The following C12orf43 variants were observed in gnomAD, a reference collection of about 807,000 sequenced individuals.
C12orf43 encodes the protein protein CUSTOS.
A neutral mutation model predicts 20.6 loss-of-function variants in C12orf43; 15 were observed. The observed-to-expected ratio is 0.73, with a 90% CI of 0.49 to 1.12. The LOEUF (loss-of-function observed/expected upper bound fraction) is 1.12, where lower values mean the gene tolerates loss of function less well. Among genes scored for constraint, C12orf43 ranks in the 50% most tolerant of loss-of-function variants. C12orf43 has a pLI of 0.00. For missense variants in C12orf43, 334 were observed against 344.4 expected (o/e 0.97, Z 0.24); for synonymous variants, 144 against 130.8 (o/e 1.10, Z -0.69).
chr12:121,004,584 G>A lies in C12orf43; in HGVS notation c.453-95C>T. On this transcript the variant is annotated intron_variant, in intron 5 of 5. Transcript: ENST00000288757. This position sits in a 1 kb window ranked among gnomAD's most constrained non-coding sequence, Gnocchi z 5.6. ...CCTCCCTTGGTCCAGGTCACCAGAA[G>A]GTGGCCGCAGAGAGAGGCAGGTAGT... The A allele has an allele frequency of 1.5e-6, 2 of 1,300,624 alleles. No homozygotes were observed. The highest frequency in any genetic ancestry group is 2.1e-6 in the Non-Finnish European group (2 of 952,440). The allele number at this position is 1,300,624 out of a possible 1,614,324, so 80.6% of individuals were successfully genotyped here.
chr12:121,006,310 T>C lies in C12orf43; in HGVS notation c.361+11A>G, dbSNP rs771711308. On this transcript the variant is annotated intron_variant, in intron 4 of 5. Coordinates refer to ENST00000288757, the MANE Select transcript of C12orf43 (RefSeq NM_022895.3). ...AATAAATGATAGCTTCTATTAAGTA[T>C]AACCACTCACCATCATCCTCCAAAG... The C allele has an allele frequency of 1.2e-6, 2 of 1,609,756 alleles. No homozygotes were observed. Among genetic ancestry groups the C allele is most frequent in the Admixed American group, 3.3e-5 (2 of 59,984 alleles).
chr12:121,006,306 A>C lies in C12orf43; in HGVS notation c.361+15T>G, dbSNP rs1270187809. 2 of 1,607,300 alleles carry C rather than the reference A, an allele frequency of 1.2e-6. No homozygotes were observed. Among genetic ancestry groups the C allele is most frequent in the African/African-American group, 2.7e-5 (2 of 74,768 alleles). ...GCTTAATAAATGATAGCTTCTATTA[A>C]GTATAACCACTCACCATCATCCTCC... On this transcript the variant is annotated intron_variant, in intron 4 of 5. Transcript: ENST00000288757.
rs1877794150 is a variant in C12orf43, at chr12:121,004,321, G to A, written c.621C>T (p.Val207=). 2.5e-6 allele frequency: 4 copies of A among 1,614,074 alleles called. No individual in the cohort carries two copies. The South Asian group carries it at 3.3e-5, about 13-fold the overall frequency. ...CCATGCTGGTGGGGGTGGTGGCAGC[G>A]ACAGCCGAGTCGACACTGGCCACCT... ...AKKVASVDSA[V]AATTPTSMAT... Residue 207 remains valine, a synonymous_variant, in exon 6 of 6, where the codon GTC becomes GTT. Transcript: ENST00000288757. The surrounding 1 kb of genome is among the most constrained non-coding windows in gnomAD (Gnocchi z 5.6).
Position 121,005,448 on chromosome 12 carries a change from CAA to C in C12orf43, c.362-357_362-356del, listed in dbSNP as rs972781788. 1.3e-5 allele frequency among the ~76,000 whole-genome samples: 2 copies of C among 152,144 alleles called. No individual in the cohort carries two copies. Among genetic ancestry groups the C allele is most frequent in the African/African-American group, 4.8e-5 (2 of 41,452 alleles). On this transcript the variant is annotated intron_variant, in intron 4 of 5. Coordinates refer to ENST00000288757, the MANE Select transcript of C12orf43 (RefSeq NM_022895.3). This position sits in a 1 kb window ranked among gnomAD's most constrained non-coding sequence, Gnocchi z 5.6. ...GACCCAGGAATCAGTCGTCTAACTA[CAA>C]AGTGATTCTGCATCTGCCAAGGGTC... is the stretch of plus-strand genomic sequence containing the variant.
Position 121,011,276 on chromosome 12 carries a change from ATATAT to A in C12orf43, c.146-135_146-131del, listed in dbSNP as rs563251946. 606 of 500,490 alleles carry A rather than the reference ATATAT, an allele frequency of 1.2e-3. 5 individuals are homozygous for A. The highest frequency in any genetic ancestry group is 0.01 in the African/African-American group (511 of 49,926). 31.0% of individuals were successfully genotyped at this position (500,490 alleles called of 1,614,324 possible). On this transcript the variant is annotated intron_variant, in intron 1 of 5. Transcript: ENST00000288757. ...ATATATACATACACATGTAACTCAT[ATATAT>A]TATATTTATATATAACTTAAAATAG...
At chr12:121,015,039 C>G (rs1868775909) in intron 1 of C12orf43, among the ~76,000 whole-genome samples, 1 of 152,040 alleles carries the variant, frequency 6.6e-6, no homozygotes. Context: ...TATTTGCCAC[C>G]ATGTATTGGG....
chr12:121,007,713 T>G (rs1391761538), intron 3 of C12orf43, among the ~76,000 whole-genome samples: 3 of 152,228 alleles, frequency 2.0e-5, no homozygotes, highest in African/African-American at 7.2e-5. Flanking sequence ...GATGCCACTG[T>G]GCACAGCAGA....
rs1030645197 is a variant in C12orf43, at chr12:121,005,519, G to A, written c.362-426C>T. ...GCCAGTGGAGGGCGCGCTGGAGCAG[G>A]AGCCAGCAGCCACATCAGCTCAGCA... On this transcript the variant is annotated intron_variant, in intron 4 of 5. Coordinates refer to ENST00000288757, the MANE Select transcript of C12orf43 (RefSeq NM_022895.3). The surrounding 1 kb of genome is among the most constrained non-coding windows in gnomAD (Gnocchi z 5.6). Among the ~76,000 whole-genome samples the A allele has an allele frequency of 3.9e-5, 6 of 152,356 alleles. No homozygotes were observed. The South Asian group carries it at 1.0e-3, about 26-fold the overall frequency.
chr12:121,010,404 T>A (rs534181623), intron 3 of C12orf43, among the ~76,000 whole-genome samples: 13 of 152,342 alleles, frequency 8.5e-5, no homozygotes, highest in African/African-American at 2.9e-4. Context: ...ATCCTGGCTT[T>A]GTCACTTAAT....
intron 4 of C12orf43, 136 bp downstream of exon 4, chr12:121,006,185 C>T: frequency 1.3e-6 from 1 of 750,002 alleles, no homozygotes. Context: ...CACTGCACTC[C>T]AGCCTAGGTG....
chr12:121,006,223 GA>G (rs1013126684), intron 4 of C12orf43, 97 bp downstream of exon 4: 16,964 of 427,734 alleles, frequency 0.04, no homozygotes, highest in Non-Finnish European at 0.043. Flanking sequence ...CTCAAAAAAA[GA>G]AAAAAAAAAA....
In C12orf43 at chr12:121,003,987, C is replaced by A. The variant is rs762259974; in HGVS notation, c.*166G>T. Reference sequence around the variant, plus strand: ...CCCTACAGCCACTTTTTTGGCCCAACTCTCGAGCAAGCCTTCATCACCATC... The same window carrying A: ...CCCTACAGCCACTTTTTTGGCCCAAATCTCGAGCAAGCCTTCATCACCATC... On this transcript the variant is annotated 3_prime_UTR_variant, in exon 6 of 6. Transcript: ENST00000288757. The A allele has an allele frequency of 2.6e-6, 2 of 765,868 alleles. No homozygotes were observed. The highest frequency in any genetic ancestry group is 3.4e-5 in the South Asian group (2 of 58,412). The allele number at this position is 765,868 out of a possible 1,614,324, so 47.4% of individuals were successfully genotyped here.
In C12orf43 at chr12:121,010,888, A is replaced by C; in HGVS notation, c.227T>G (p.Leu76Arg). 1 of 1,614,158 alleles carries C rather than the reference A, an allele frequency of 6.2e-7. No homozygotes were observed. Among genetic ancestry groups the C allele is most frequent in the Non-Finnish European group, 8.5e-7 (1 of 1,180,026 alleles). ...GGCTCGGAATTCAGGGGTGGTCTGA[A>C]GCTCGTTGCCATCTTGTTCATGCTC... ...VNEHEQDGNELQTTPEFRAHV... is the reference protein window; with the variant it reads ...VNEHEQDGNERQTTPEFRAHV... The change falls in exon 3 of 6, where the codon CTT becomes CGT. Residue 76 changes from leucine (L) to arginine (R), a missense_variant. By Grantham distance (102) the Leu-to-Arg change is moderately radical. Coordinates refer to ENST00000288757, the MANE Select transcript of C12orf43 (RefSeq NM_022895.3).
At chr12:121,012,447 A>G in intron 1 of C12orf43, 1 of 702,658 alleles carries the variant, frequency 1.4e-6, no homozygotes. Context: ...TTGACAGAAC[A>G]TCTTTGGCTG....
intron 3 of C12orf43, 22 bp from the exon 4 acceptor site, chr12:121,006,416 G>T: frequency 6.2e-7 from 1 of 1,609,226 alleles, no homozygotes; most frequent in Admixed American, 1.7e-5. Flanking sequence ...CGAGACGGTT[G>T]ATTTAAGATG....
Position 121,000,775 on chromosome 12 carries a change from C to T in C12orf43, c.*3378G>A, listed in dbSNP as rs1877401903. On this transcript the variant is annotated 3_prime_UTR_variant, in exon 6 of 6. Transcript: ENST00000288757. The stretch of plus-strand genomic sequence containing the variant: ...CAGCAGCGCCTAGATTAGTGTTTGA[C>T]TCAGCCTAGCCAAGCCAACACGTAC... 2.1e-6 allele frequency: 1 copy of T among 467,092 alleles called. No individual in the cohort carries two copies. Among genetic ancestry groups the T allele is most frequent in the South Asian group, 2.1e-5 (1 of 48,734 alleles). The allele number at this position is 467,092 out of a possible 1,614,324, so 28.9% of individuals were successfully genotyped here.
chr12:121,013,724 A>G (rs1465329043), intron 1 of C12orf43, among the ~76,000 whole-genome samples: 1 of 152,222 alleles, frequency 6.6e-6, no homozygotes, highest in African/African-American at 2.4e-5. Flanking sequence ...TTCCACAGTC[A>G]TGGACCAAAG....
chr12:121,016,415 C>G lies in C12orf43; in HGVS notation c.60G>C (p.Ala20=), dbSNP rs370383863. Residue 20 remains alanine, a synonymous_variant, in exon 1 of 6, where the codon GCG becomes GCC. Coordinates refer to ENST00000288757, the MANE Select transcript of C12orf43 (RefSeq NM_022895.3). The part of the protein sequence containing the change: ...DSESSNSSSD[A]EELERCREAA... ...CCTCGCGGCACCGCTCCAGCTCCTC[C>G]GCATCGCTACTGCTGTTACTACTTT... The G allele has an allele frequency of 9.3e-6, 15 of 1,614,046 alleles. No homozygotes were observed. The highest frequency in any genetic ancestry group is 1.3e-5 in the Non-Finnish European group (15 of 1,180,056).
intron 1 of C12orf43, among the ~76,000 whole-genome samples, chr12:121,012,274 C>T (rs1316960755): frequency 6.6e-6 from 1 of 152,116 alleles, no homozygotes; most frequent in Non-Finnish European, 1.5e-5. Flanking sequence ...GCAAGGAGGT[C>T]AGTGTGACCA....
Sources: gnomAD v4.1 joint callset for allele counts (sites outside exome capture counted in the v4.1 genomes callset) on GRCh38, gnomAD v4.1.1 for gene constraint, Gnocchi (gnomAD v3.1) non-coding constraint, MANE v1.5 for transcripts, NCBI Gene and HGNC (gene_info 2026-07-23, HGNC 2026-07-21) for gene names.